IRAG2: variants seen among roughly 807,000 people sequenced by gnomAD.
IRAG2 encodes the protein inositol 1,4,5-triphosphate receptor associated 2.
A neutral mutation model predicts 69.9 loss-of-function variants in IRAG2; 45 were observed. That is an observed-to-expected ratio of 0.64 (90% CI 0.51 to 0.83). IRAG2 has a LOEUF of 0.83. IRAG2 is among the 40% of genes least tolerant of loss of function. The pLI is 0.00. For synonymous variants in IRAG2, 193 were observed against 202.4 expected (o/e 0.95, Z 0.40); for missense variants, 520 against 587.0 (o/e 0.89, Z 1.18).
At chr12:25,064,773 C>G (rs531776279) in intron 4 of IRAG2, among the ~76,000 whole-genome samples, 2 of 152,260 alleles carry the variant, frequency 1.3e-5, no homozygotes, top group South Asian at 4.1e-4. Context: ...ACAATAACCA[C>G]CACCAACAGT....
chr12:25,049,982 CAAAAAA>C (rs56185966), upstream of IRAG2, among the ~76,000 whole-genome samples: 1 of 71,308 alleles, frequency 1.4e-5, no homozygotes, highest in African/African-American at 7.3e-5. Context: ...AACTGTGTCT[CAAAAAA>C]AAAAAAAAAA....
At chr12:25,094,926 T>C (rs1592081805) in intron 14 of IRAG2, among the ~76,000 whole-genome samples, 1 of 152,282 alleles carries the variant, frequency 6.6e-6, no homozygotes, top group African/African-American at 2.4e-5. Context: ...TTTTGTACCC[T>C]ACAATTTTGT....
Position 25,052,818 on chromosome 12 carries a change from C to T in IRAG2, c.-585C>T, listed in dbSNP as rs185879688. The T allele has an allele frequency of 1.3e-5, 5 of 398,624 alleles. No individual in the cohort carries two copies. Among genetic ancestry groups the T allele is most frequent in the Non-Finnish European group, 2.2e-5 (5 of 226,080 alleles). 24.7% of individuals were successfully genotyped at this position (398,624 alleles called of 1,614,324 possible). A position where few individuals can be genotyped will look rare whatever the true frequency, so the allele number is the denominator to read the frequency against. ...GGGTAAGGATCGAGATCGAGAAGCC[C>T]ACACTGCCAGTGAAAAAGCTACGTC... is the stretch of plus-strand genomic sequence containing the variant. On this transcript the variant is annotated 5_prime_UTR_variant, in exon 1 of 22. Coordinates refer to ENST00000556887, the MANE Select transcript of IRAG2 (RefSeq NM_001366544.2).
At chr12:25,099,801 A>C (rs1948639522) in intron 15 of IRAG2, among the ~76,000 whole-genome samples, 1 of 151,904 alleles carries the variant, frequency 6.6e-6, no homozygotes. Flanking sequence ...GGAGTTTGAG[A>C]CCAGCCTGGC....
intron 2 of IRAG2, among the ~76,000 whole-genome samples, chr12:25,062,559 C>T (rs1945699659): frequency 6.6e-6 from 1 of 152,234 alleles, no homozygotes; most frequent in Admixed American, 6.5e-5. Context: ...TCTTTAGCCT[C>T]TGCCTACAGA....
At chr12:25,043,165 A>G (rs2139863308) in intron 16 of IRAG2, among the ~76,000 whole-genome samples, 1 of 152,320 alleles carries the variant, frequency 6.6e-6, no homozygotes, top group African/African-American at 2.4e-5. Flanking sequence ...ATCCTGAGTG[A>G]GAGTGAATCC....
intron 6 of IRAG2, among the ~76,000 whole-genome samples, chr12:25,075,253 T>TAA (rs1182439783): frequency 6.6e-6 from 1 of 152,192 alleles, no homozygotes; most frequent in Non-Finnish European, 1.5e-5. Flanking sequence ...AATAGACTCT[T>TAA]TGTTAAGTTA....
At chr12:25,004,783 G>A in exon 1 of IRAG2, 5 of 1,232,058 alleles carry the variant, frequency 4.1e-6, no homozygotes, top group Non-Finnish European at 5.1e-6. Flanking sequence ...CTCTAACAAG[G>A]ATTTGAATAA....
At chr12:25,007,043 GGTTTT>G (rs1453030562) in intron 2 of IRAG2, among the ~76,000 whole-genome samples, 2 of 151,998 alleles carry the variant, frequency 1.3e-5, no homozygotes, top group East Asian at 1.9e-4. Context: ...CTGTCAATAT[GGTTTT>G]GTTTTATTTG....
intron 19 of IRAG2, 105 bp from the exon 20 acceptor site, chr12:25,104,256 T>C (rs1948913390): frequency 1.1e-6 from 1 of 873,660 alleles, no homozygotes; most frequent in East Asian, 2.6e-5. Context: ...AAGAAAAAAA[T>C]AATTAGGACA....
chr12:25,089,779 A>G lies in IRAG2; in HGVS notation c.454A>G (p.Lys152Glu). Residue 152 changes from lysine (K) to glutamate (E), a missense_variant, in exon 13 of 22, where the codon AAG (lysine) becomes GAG (glutamate). Physicochemically the swap from Lys to Glu is moderately conservative, Grantham distance 56 (BLOSUM62 1). Transcript: ENST00000556887. ...RQSENTSANE[K>E]EVEAEFLRLS... Reference sequence around the variant, plus strand: ...ATCCTACAGCACTTCTGCTAATGAGAAGGAGGTGGAGGTGAGTTTAAAGCA... The same window carrying G: ...ATCCTACAGCACTTCTGCTAATGAGGAGGAGGTGGAGGTGAGTTTAAAGCA... The G allele has an allele frequency of 6.2e-7, 1 of 1,613,220 alleles. No homozygotes were observed. Among genetic ancestry groups the G allele is most frequent in the Middle Eastern group, 1.9e-4 (1 of 5,336 alleles).
At chr12:25,082,073 T>A (rs1472761263) in intron 9 of IRAG2, among the ~76,000 whole-genome samples, 3 of 152,014 alleles carry the variant, frequency 2.0e-5, no homozygotes, top group African/African-American at 7.2e-5. Flanking sequence ...TAAAAAAAAA[T>A]TGTGAAGATG....
At chr12:25,080,094 ATCTGCT>A (rs1947094342) in intron 9 of IRAG2, among the ~76,000 whole-genome samples, 1 of 152,204 alleles carries the variant, frequency 6.6e-6, no homozygotes, top group South Asian at 2.1e-4. Context: ...AAGTGACATC[ATCTGCT>A]TAGGAAATTC....
intron 10 of IRAG2, among the ~76,000 whole-genome samples, chr12:25,031,803 C>T (rs570114454): frequency 3.1e-4 from 47 of 152,316 alleles, no homozygotes; most frequent in Non-Finnish European, 6.0e-4. Context: ...GCTGGGATTA[C>T]AGGCATGCGC....
chr12:25,005,711 A>G (rs1194611193), intron 2 of IRAG2, among the ~76,000 whole-genome samples: 1 of 152,108 alleles, frequency 6.6e-6, no homozygotes, highest in Non-Finnish European at 1.5e-5. Flanking sequence ...AATTTTAGTT[A>G]ATTTTGGGCT....
chr12:25,054,644 A>G (rs1257869808), intron 1 of IRAG2, among the ~76,000 whole-genome samples: 4 of 152,194 alleles, frequency 2.6e-5, no homozygotes, highest in South Asian at 2.1e-4. Flanking sequence ...CTGCCTGGAT[A>G]ACGTAGAGTG....
At chr12:25,015,112 A>AAAAAAG (rs1555125446) in intron 3 of IRAG2, 12 of 361,148 alleles carry the variant, frequency 3.3e-5, no homozygotes, top group African/African-American at 7.9e-5. Flanking sequence ...AAAAAAAAAA[A>AAAAAAG]GACAAAACTT....
At chr12:25,008,238 A>G (rs1944447918) in intron 2 of IRAG2, among the ~76,000 whole-genome samples, 1 of 152,166 alleles carries the variant, frequency 6.6e-6, no homozygotes, top group Admixed American at 6.5e-5. Context: ...CTATTTTGCT[A>G]TACTGGTGTC....
chr12:25,025,886 G>T (rs1944617759), intron 8 of IRAG2, among the ~76,000 whole-genome samples: 1 of 152,196 alleles, frequency 6.6e-6, no homozygotes, highest in Non-Finnish European at 1.5e-5. Flanking sequence ...GAGGATGTTG[G>T]AGGGGTTATT....
Sources: allele counts gnomAD v4.1 joint callset (sites outside exome capture counted in the v4.1 genomes callset), GRCh38; gene constraint gnomAD v4.1.1; transcripts MANE v1.5; gene names NCBI Gene and HGNC (gene_info 2026-07-23, HGNC 2026-07-21).